The following MAGI3 variants were observed in gnomAD, a reference collection of about 807,000 sequenced individuals.
The protein encoded by MAGI3 is membrane-associated guanylate kinase, WW and PDZ domain-containing protein 3.
A neutral mutation model predicts 121.8 loss-of-function variants in MAGI3; 43 were observed. That is an observed-to-expected ratio of 0.35 (90% CI 0.28 to 0.46). MAGI3 has a LOEUF of 0.46. Among genes scored for constraint, MAGI3 ranks in the 20% least tolerant of loss-of-function variants. MAGI3 has a pLI of 1.00. For missense variants in MAGI3, 1,547 were observed against 1,797.3 expected (o/e 0.86, Z 2.52); for synonymous variants, 553 against 639.3 (o/e 0.86, Z 2.04).
At chr1:113,459,799 G>A (rs1654941928) in intron 1 of MAGI3, among the ~76,000 whole-genome samples, 1 of 152,028 alleles carries the variant, frequency 6.6e-6, no homozygotes, top group Non-Finnish European at 1.5e-5. Flanking sequence ...ACCAAAAAAA[G>A]CCTGGGACCT....
At chr1:113,606,464 C>T (rs987041407) in intron 6 of MAGI3, among the ~76,000 whole-genome samples, 1 of 151,760 alleles carries the variant, frequency 6.6e-6, no homozygotes, top group African/African-American at 2.4e-5. Flanking sequence ...ATTCTTTTTC[C>T]TGGTCCCTAA....
chr1:113,655,165 C>T (rs1029434727), intron 15 of MAGI3, among the ~76,000 whole-genome samples: 8 of 152,110 alleles, frequency 5.3e-5, no homozygotes, highest in East Asian at 1.9e-4. Context: ...GAAAGGAAAG[C>T]AGCTTTTAGG....
intron 1 of MAGI3, among the ~76,000 whole-genome samples, chr1:113,474,646 A>G (rs1373280538): frequency 1.3e-5 from 2 of 151,348 alleles, no homozygotes; most frequent in Non-Finnish European, 3.0e-5. Context: ...TACCAGTACC[A>G]TGCTGTTTTG....
intron 11 of MAGI3, among the ~76,000 whole-genome samples, chr1:113,644,667 T>C (rs1652734948): frequency 6.6e-6 from 1 of 152,226 alleles, no homozygotes; most frequent in Non-Finnish European, 1.5e-5. Context: ...CAGTGTCTTC[T>C]TTGGCATTCT....
chr1:113,552,073 G>T (rs1659811361), intron 2 of MAGI3, among the ~76,000 whole-genome samples: 1 of 151,696 alleles, frequency 6.6e-6, no homozygotes, highest in Non-Finnish European at 1.5e-5. Context: ...TACTTTTTTT[G>T]ATAGTTGGGC....
intron 20 of MAGI3, chr1:113,682,122 A>G: frequency 6.9e-7 from 1 of 1,439,230 alleles, no homozygotes; most frequent in African/African-American, 1.5e-5. Context: ...CTGCTTGTAA[A>G]TCATATGTTC....
intron 7 of MAGI3, among the ~76,000 whole-genome samples, chr1:113,617,151 A>G (rs1242722393): frequency 6.6e-6 from 1 of 152,184 alleles, no homozygotes; most frequent in Non-Finnish European, 1.5e-5. Context: ...GGCCTCCCAA[A>G]GTGCTGGGAT....
At chr1:113,463,396 A>G (rs1655126377) in intron 1 of MAGI3, among the ~76,000 whole-genome samples, 1 of 144,086 alleles carries the variant, frequency 6.9e-6, no homozygotes, top group African/African-American at 2.4e-5. Context: ...AGATACTGAG[A>G]GGGTGCAACC....
chr1:113,659,895 A>G (rs546659864), intron 16 of MAGI3, among the ~76,000 whole-genome samples: 13 of 152,344 alleles, frequency 8.5e-5, no homozygotes, highest in African/African-American at 3.1e-4. Flanking sequence ...GTGAATTACA[A>G]CATAACCACT....
chr1:113,523,193 G>C (rs543360959), intron 1 of MAGI3, among the ~76,000 whole-genome samples: 26 of 152,324 alleles, frequency 1.7e-4, no homozygotes, highest in African/African-American at 6.3e-4. Context: ...ACGTGGAACT[G>C]TAAGTTCATT....
At chr1:113,663,668 A>G (rs575544377) in intron 16 of MAGI3, among the ~76,000 whole-genome samples, 2 of 152,192 alleles carry the variant, frequency 1.3e-5, no homozygotes, top group Middle Eastern at 3.4e-3. Flanking sequence ...ATGCTGTTTT[A>G]TAGGTTTTTG....
intron 1 of MAGI3, among the ~76,000 whole-genome samples, chr1:113,520,142 C>T (rs1426655750): frequency 1.3e-5 from 2 of 151,648 alleles, no homozygotes; most frequent in African/African-American, 4.8e-5. Context: ...GACTTCAACA[C>T]ATCAAGCATG....
chr1:113,436,251 T>G (rs1653560405), intron 1 of MAGI3, among the ~76,000 whole-genome samples: 1 of 152,100 alleles, frequency 6.6e-6, no homozygotes, highest in Non-Finnish European at 1.5e-5. Context: ...TCCAGTGTGT[T>G]TTGTAAGAAA....
At chr1:113,521,798 A>G (rs960246874) in intron 1 of MAGI3, among the ~76,000 whole-genome samples, 1 of 152,150 alleles carries the variant, frequency 6.6e-6, no homozygotes, top group Non-Finnish European at 1.5e-5. Flanking sequence ...AATTATCATA[A>G]TTTCCTGTTT....
intron 20 of MAGI3, chr1:113,682,160 A>ATTTTTT: frequency 8.5e-6 from 12 of 1,404,020 alleles, no homozygotes; most frequent in South Asian, 5.8e-5. Context: ...AACTGCACTG[A>ATTTTTT]TTTTTTTTTT....
intron 2 of MAGI3, among the ~76,000 whole-genome samples, chr1:113,573,017 C>T (rs1647399000): frequency 1.3e-5 from 2 of 152,080 alleles, no homozygotes; most frequent in Non-Finnish European, 2.9e-5. Context: ...GCTCCGCCTC[C>T]TGGGTTCACA....
intron 4 of MAGI3, 112 bp from the exon 5 acceptor site, chr1:113,590,372 A>G: frequency 9.9e-7 from 1 of 1,008,876 alleles, no homozygotes; most frequent in Non-Finnish European, 1.5e-6. Flanking sequence ...ATAATAGACA[A>G]GAAATTTGCC....
intron 1 of MAGI3, among the ~76,000 whole-genome samples, chr1:113,445,961 A>C (rs1164995283): frequency 6.6e-6 from 1 of 152,222 alleles, no homozygotes; most frequent in Non-Finnish European, 1.5e-5. Context: ...TGAAAAAATA[A>C]AGATCTCAAT....
At chr1:113,592,621 A>T (rs1305841462) in intron 5 of MAGI3, among the ~76,000 whole-genome samples, 1 of 152,034 alleles carries the variant, frequency 6.6e-6, no homozygotes, top group Non-Finnish European at 1.5e-5. Context: ...AAAACTTTTA[A>T]GTTTGGGGAG....
Sources: allele counts gnomAD v4.1 joint callset (sites outside exome capture counted in the v4.1 genomes callset), GRCh38; gene constraint gnomAD v4.1.1; transcripts MANE v1.5; gene names NCBI Gene and HGNC (gene_info 2026-07-23, HGNC 2026-07-21).